The following MGAT3 variants were observed in gnomAD, a reference collection of about 807,000 sequenced individuals.
The protein encoded by MGAT3 is GlcNAc-T III.
A neutral mutation model predicts 29.8 loss-of-function variants in MGAT3; 9 were observed. That is an observed-to-expected ratio of 0.30 (90% CI 0.18 to 0.53). The LOEUF (loss-of-function observed/expected upper bound fraction) is 0.53. MGAT3 is among the 20% of genes least tolerant of loss of function. MGAT3 has a pLI of 0.96. For synonymous variants in MGAT3, 397 were observed against 348.9 expected (o/e 1.14, Z -1.54); for missense variants, 557 against 769.5 (o/e 0.72, Z 3.27).
At chr22:39,464,380 C>T (rs1310891093) in intron 1 of MGAT3, among the ~76,000 whole-genome samples, 2 of 150,920 alleles carry the variant, frequency 1.3e-5, no homozygotes, top group South Asian at 2.1e-4. Flanking sequence ...GGGCTGGCAC[C>T]GGGCATGCAC....
At chr22:39,482,298 C>G (rs1159840932) in intron 1 of MGAT3, among the ~76,000 whole-genome samples, 1 of 152,116 alleles carries the variant, frequency 6.6e-6, no homozygotes, top group African/African-American at 2.4e-5. Context: ...TTTGATGAAG[C>G]TTTGTAATGG....
At chr22:39,470,747 A>T (rs1045697525) in intron 1 of MGAT3, among the ~76,000 whole-genome samples, 3 of 151,682 alleles carry the variant, frequency 2.0e-5, no homozygotes, top group African/African-American at 7.3e-5. Flanking sequence ...CTGTGTCAAG[A>T]CTCTGGATGT....
chr22:39,471,022 C>G (rs1431536230), intron 1 of MGAT3, among the ~76,000 whole-genome samples: 1 of 152,204 alleles, frequency 6.6e-6, no homozygotes, highest in African/African-American at 2.4e-5. Context: ...CAGAAGCACT[C>G]AGCCCAGCCC....
chr22:39,487,490 G>C lies in MGAT3; in HGVS notation c.143G>C (p.Ser48Thr), dbSNP rs1271981538. 1 of 1,613,130 alleles carries C rather than the reference G, an allele frequency of 6.2e-7. No homozygotes were observed. The highest frequency in any genetic ancestry group is 1.7e-5 in the Admixed American group (1 of 59,962). The change falls in exon 2 of 2, where the codon AGC becomes ACC. Residue 48 changes from serine to threonine, a missense_variant. Transcript: ENST00000341184. The surrounding 1 kb of genome is among the most constrained non-coding windows in gnomAD (Gnocchi z 5.7). ...TCCCTCAGCCCTAACCTGGTGTCCA[G>C]CTTTTTCTGGAACAATGCCCCGGTC... is the stretch of plus-strand genomic sequence containing the variant. ...LASLSPNLVS[S>T]FFWNNAPVTP...
At chr22:39,476,474 G>T (rs1210936601) in intron 1 of MGAT3, 1 of 152,282 alleles carries the variant, frequency 6.6e-6, no homozygotes, top group Non-Finnish European at 1.5e-5. Context: ...CATGGTGAAC[G>T]GGATTTGCAA....
intron 1 of MGAT3, among the ~76,000 whole-genome samples, chr22:39,473,849 A>C (rs1418451398): frequency 1.3e-5 from 2 of 151,298 alleles, no homozygotes; most frequent in Non-Finnish European, 2.9e-5. Flanking sequence ...ATGGATGAGG[A>C]GGGCAGCCTG....
intron 1 of MGAT3, among the ~76,000 whole-genome samples, chr22:39,482,972 G>A (rs531272471): frequency 1.1e-4 from 17 of 152,218 alleles, no homozygotes; most frequent in Non-Finnish European, 2.5e-4. Flanking sequence ...CCAGCCAAGG[G>A]GCAGCTGGGT....
rs113690140 is a variant in MGAT3 at position 39,470,324 on chromosome 22, G to A, written c.-2+12767G>A. On this transcript the variant is annotated intron_variant, in intron 1 of 1. Transcript: ENST00000341184. ...AGCATGCAGGGACCTGAGGAAGGGCGTTCCAGGCGGAGGGATCAGCCAGTG... is the reference window on the plus strand; with the variant it reads ...AGCATGCAGGGACCTGAGGAAGGGCATTCCAGGCGGAGGGATCAGCCAGTG... Among the ~76,000 whole-genome samples, 898 of 152,342 alleles carry A rather than the reference G, an allele frequency of 5.9e-3. 5 individuals are homozygous for A. Among genetic ancestry groups the A allele is most frequent in the African/African-American group, 0.02 (836 of 41,578 alleles).
In MGAT3 at chr22:39,457,138, C is replaced by CGGGGGAGGGGAGGGGGTTGCGGA. The variant is rs1300623457; in HGVS notation, c.-415_-393dup. 9.9e-5 allele frequency among the ~76,000 whole-genome samples: 10 copies of CGGGGGAGGGGAGGGGGTTGCGGA among 101,120 alleles called. No homozygotes were observed. Among genetic ancestry groups the CGGGGGAGGGGAGGGGGTTGCGGA allele is most frequent in the African/African-American group, 3.5e-4 (10 of 28,844 alleles). The allele number at this position is 101,120 out of a possible 152,430, so 66.3% of individuals were successfully genotyped here. A position where few individuals can be genotyped will look rare whatever the true frequency, so the allele number is the denominator to read the frequency against. ...CGGCGCGGCGGCGGAGCCCGGCTGG[C>CGGGGGAGGGGAGGGGGTTGCGGA]GGGGGAGGGGAGGGGGTTGCGGAGG... is the stretch of plus-strand genomic sequence containing the variant. On this transcript the variant is annotated 5_prime_UTR_variant, in exon 1 of 2. Coordinates refer to ENST00000341184, the MANE Select transcript of MGAT3 (RefSeq NM_002409.5). This position sits in a 1 kb window ranked among gnomAD's most constrained non-coding sequence, Gnocchi z 6.8.
intron 1 of MGAT3, among the ~76,000 whole-genome samples, chr22:39,458,069 C>T (rs1371120993): frequency 2.0e-5 from 3 of 152,158 alleles, no homozygotes; most frequent in Non-Finnish European, 4.4e-5. Flanking sequence ...CGTAGCTACC[C>T]CTGGGGACCA....
Position 39,488,157 on chromosome 22 carries a change from C to G in MGAT3, c.810C>G (p.Leu270=), listed in dbSNP as rs751878270. The change falls in exon 2 of 2, where the codon CTC becomes CTG. Residue 270 remains leucine (L), a synonymous_variant. Transcript: ENST00000341184. ...TCGAGTACATCCGCCACAAGGTGCT[C>G]TATGTCTTCCTGGACCACTTCCCGC... ...GTFEYIRHKV[L]YVFLDHFPPG... The G allele has an allele frequency of 8.7e-6, 14 of 1,613,072 alleles. No individual in the cohort carries two copies. In the South Asian group the frequency reaches 1.4e-4, roughly 16 times the overall value.
chr22:39,457,481 C>T lies in MGAT3; in HGVS notation c.-78C>T, dbSNP rs1366398247. On this transcript the variant is annotated 5_prime_UTR_variant, in exon 1 of 2. Transcript: ENST00000341184. The surrounding 1 kb of genome is among the most constrained non-coding windows in gnomAD (Gnocchi z 6.8). ...GAGGCTGCGGCGGACGCCAGCATCTCCCCGCCGGGGACCCCGGGGGCCGCG... is the reference window on the plus strand; with the variant it reads ...GAGGCTGCGGCGGACGCCAGCATCTTCCCGCCGGGGACCCCGGGGGCCGCG... 2 of 149,032 alleles carry T rather than the reference C, an allele frequency of 1.3e-5. No homozygotes were observed. Among genetic ancestry groups the T allele is most frequent in the Non-Finnish European group, 3.0e-5 (2 of 66,514 alleles). 9.2% of individuals were successfully genotyped at this position (149,032 alleles called of 1,614,324 possible).
In MGAT3 at chr22:39,468,766, C is replaced by T. The variant is rs191573076; in HGVS notation, c.-2+11209C>T. Among the ~76,000 whole-genome samples the T allele has an allele frequency of 5.8e-3, 886 of 152,046 alleles. 32 individuals are homozygous for T. The highest frequency in any genetic ancestry group is 0.02 in the African/African-American group (845 of 41,336). ...GGGGCTCAGTGCTTGAGGCTGGGGA[C>T]CCAGGGGCATCAGACAGCACAGCCC... On this transcript the variant is annotated intron_variant, in intron 1 of 1. Coordinates refer to ENST00000341184, the MANE Select transcript of MGAT3 (RefSeq NM_002409.5).
At chr22:39,469,469 C>T (rs1004704904) in intron 1 of MGAT3, among the ~76,000 whole-genome samples, 33 of 152,286 alleles carry the variant, frequency 2.2e-4, no homozygotes, top group Admixed American at 1.1e-3. Context: ...GGCACTGGGC[C>T]ACCTGAGCAT....
At chr22:39,474,267 G>A (rs1291534744) in intron 1 of MGAT3, among the ~76,000 whole-genome samples, 3 of 152,204 alleles carry the variant, frequency 2.0e-5, no homozygotes, top group Admixed American at 6.5e-5. Context: ...CAGCGAATCC[G>A]ATCATCTACC....
intron 1 of MGAT3, among the ~76,000 whole-genome samples, chr22:39,460,115 A>G (rs947509258): frequency 2.0e-5 from 3 of 152,202 alleles, no homozygotes; most frequent in Non-Finnish European, 2.9e-5. Flanking sequence ...CAAGTCATTC[A>G]GGGTATCCTG....
At chr22:39,461,745 CG>C (rs1395522705) in intron 1 of MGAT3, among the ~76,000 whole-genome samples, 1 of 152,140 alleles carries the variant, frequency 6.6e-6, no homozygotes, top group African/African-American at 2.4e-5. Context: ...GCTCTTCCCC[CG>C]ATGCTACAGC....
intron 1 of MGAT3, chr22:39,486,134 T>C (rs1376927993): frequency 2.5e-6 from 1 of 403,364 alleles, no homozygotes; most frequent in Non-Finnish European, 4.7e-6. Flanking sequence ...AAGCCAGAGA[T>C]AGACCTCAAA....
chr22:39,489,063 G>GGT lies in MGAT3; in HGVS notation c.*114_*115insGT. 2.6e-6 allele frequency: 2 copies of GGT among 779,754 alleles called. No individual in the cohort carries two copies. The highest frequency in any genetic ancestry group is 1.9e-6 in the Non-Finnish European group (1 of 520,810). The allele number at this position is 779,754 out of a possible 1,614,324, so 48.3% of individuals were successfully genotyped here. ...CTTGAGGGGACCAGGAGTGGGTGGG[G>GGT]AGTGGGGGTGGGGGTAGGGTTTCCC... On this transcript the variant is annotated 3_prime_UTR_variant, in exon 2 of 2. Transcript: ENST00000341184.
Sources: allele counts gnomAD v4.1 joint callset (sites outside exome capture counted in the v4.1 genomes callset), GRCh38; gene constraint gnomAD v4.1.1; non-coding constraint Gnocchi (gnomAD v3.1); transcripts MANE v1.5; gene names NCBI Gene and HGNC (gene_info 2026-07-23, HGNC 2026-07-21).